Variants in BMERB1 observed in about 807,000 individuals in gnomAD.
The protein encoded by BMERB1 is bMERB domain-containing protein 1.
In BMERB1, 12 loss-of-function variants were observed where a neutral mutation model predicts 23.6. The observed-to-expected ratio is 0.51, with a 90% CI of 0.33 to 0.82. The LOEUF is 0.82. BMERB1 is among the 40% of genes least tolerant of loss of function. The probability of loss-of-function intolerance (pLI) is 0.03; values close to 1 mark genes in which losing one functional copy is unlikely to be tolerated. For missense variants in BMERB1, 247 were observed against 255.4 expected, an observed-to-expected ratio of 0.97 and a Z score of 0.22; for synonymous variants, 122 against 96.6, an observed-to-expected ratio of 1.26 and a Z score of -1.54.
At chr16:15,579,423 C>T (rs1045269406) in intron 3 of BMERB1, among the ~76,000 whole-genome samples, 2 of 152,160 alleles carry the variant, frequency 1.3e-5, no homozygotes, top group Non-Finnish European at 2.9e-5. Flanking sequence ...TGCCCTTCTT[C>T]GTGCAGTGGT....
intron 1 of BMERB1, among the ~76,000 whole-genome samples, chr16:15,499,877 G>A (rs1458070962): frequency 6.6e-6 from 1 of 152,186 alleles, no homozygotes; most frequent in Non-Finnish European, 1.5e-5. Context: ...CAGATAAGGA[G>A]TCGGGGTAGG....
rs970279779 is a variant in BMERB1 at position 15,444,130 on chromosome 16, T to TTTTTTTG, written c.106+9377_106+9378insGTTTTTT. ...GGTCCAGGCACCAGCTTTGTTTTTT[T>TTTTTTTG]TTTTTTTTTTTTTTTTTTTTGGCTG... On this transcript the variant is annotated intron_variant, in intron 1 of 5. Transcript: ENST00000300006. 1.3e-4 allele frequency among the ~76,000 whole-genome samples: 14 copies of TTTTTTTG among 111,196 alleles called. 1 individual carries two copies. Among genetic ancestry groups the TTTTTTTG allele is most frequent in the Non-Finnish European group, 1.9e-4 (10 of 52,122 alleles). The allele number at this position is 111,196 out of a possible 152,430, so 72.9% of individuals were successfully genotyped here. A position where few individuals can be genotyped will look rare whatever the true frequency, so the allele number is the denominator to read the frequency against.
At chr16:15,459,136 A>G (rs2051114190) in intron 1 of BMERB1, among the ~76,000 whole-genome samples, 2 of 152,046 alleles carry the variant, frequency 1.3e-5, no homozygotes. Context: ...CAAAACACAC[A>G]CACAAACAAA....
chr16:15,540,717 G>A (rs2168417), intron 2 of BMERB1, among the ~76,000 whole-genome samples: 25 of 152,252 alleles, frequency 1.6e-4, no homozygotes, highest in African/African-American at 6.0e-4. Flanking sequence ...GGCAGCACAC[G>A]TAGCAGTTAC....
intron 1 of BMERB1, among the ~76,000 whole-genome samples, chr16:15,504,408 G>A (rs536234928): frequency 6.6e-6 from 1 of 151,980 alleles, no homozygotes; most frequent in South Asian, 2.1e-4. Flanking sequence ...ATGAGGAGTA[G>A]AGGGGAATTC....
intron 1 of BMERB1, among the ~76,000 whole-genome samples, chr16:15,447,555 C>T (rs12920429): frequency 0.99 from 150,540 of 152,312 alleles, 74,422 homozygotes; most frequent in Middle Eastern, 1. Flanking sequence ...TGAAATAATA[C>T]ATGAAAGCCC....
At position 15,494,960 on chromosome 16, in the gene BMERB1, T is replaced by A. The variant is rs1226854696; in HGVS notation, c.107-20345T>A. Reference sequence around the variant, plus strand: ...GTGCAGTGGCTCGATCTCAGCTCACTGCAATCTCTGCCTCCCGGGTTTAAG... The same window carrying A: ...GTGCAGTGGCTCGATCTCAGCTCACAGCAATCTCTGCCTCCCGGGTTTAAG... On this transcript the variant is annotated intron_variant, in intron 1 of 5. Coordinates refer to ENST00000300006, the MANE Select transcript of BMERB1 (RefSeq NM_033201.3). Among the ~76,000 whole-genome samples the A allele has an allele frequency of 2.8e-5, 4 of 143,060 alleles. No homozygotes were observed. In the Admixed American group the frequency reaches 2.9e-4, roughly 10 times the overall value. The allele number at this position is 143,060 out of a possible 152,430, so 93.9% of individuals were successfully genotyped here. A position where few individuals can be genotyped will look rare whatever the true frequency, so the allele number is the denominator to read the frequency against.
intron 1 of BMERB1, among the ~76,000 whole-genome samples, chr16:15,474,005 A>G (rs551815844): frequency 6.6e-5 from 10 of 151,950 alleles, no homozygotes; most frequent in African/African-American, 2.4e-4. Context: ...CTATAGTCCC[A>G]GCTCCTCGGG....
intron 1 of BMERB1, among the ~76,000 whole-genome samples, chr16:15,494,877 C>CTTTTTTTT (rs754135430): frequency 1.4e-4 from 13 of 95,174 alleles, no homozygotes; most frequent in East Asian, 3.6e-4. Context: ...TTTTTTTTAT[C>CTTTTTTTT]TTTTTTTTTT....
At chr16:15,504,364 A>G in intron 1 of BMERB1, among the ~76,000 whole-genome samples, 1 of 152,224 alleles carries the variant, frequency 6.6e-6, no homozygotes. Flanking sequence ...ACCAATGTCA[A>G]CTTCTTGGTA....
chr16:15,516,503 GACAA>G (rs1456499275), intron 2 of BMERB1, among the ~76,000 whole-genome samples: 1 of 152,108 alleles, frequency 6.6e-6, no homozygotes, highest in Non-Finnish European at 1.5e-5. Flanking sequence ...GGCTTTTGCC[GACAA>G]ACAGTGAAAG....
intron 1 of BMERB1, among the ~76,000 whole-genome samples, chr16:15,477,142 G>A (rs2051281313): frequency 6.6e-6 from 1 of 152,084 alleles, no homozygotes; most frequent in Admixed American, 6.6e-5. Flanking sequence ...AAAGAAAAGA[G>A]GTTCAGTTGA....
At chr16:15,522,166 G>A (rs2150956204) in intron 2 of BMERB1, among the ~76,000 whole-genome samples, 1 of 152,292 alleles carries the variant, frequency 6.6e-6, no homozygotes, top group East Asian at 1.9e-4. Context: ...TCATAAAAAG[G>A]GATAGCATGC....
intron 1 of BMERB1, among the ~76,000 whole-genome samples, chr16:15,486,583 T>C (rs2051370834): frequency 6.6e-6 from 1 of 152,134 alleles, no homozygotes; most frequent in Non-Finnish European, 1.5e-5. Flanking sequence ...CAATCAAATA[T>C]GGAGAGGGGA....
At chr16:15,481,537 C>T (rs998797122) in intron 1 of BMERB1, among the ~76,000 whole-genome samples, 5 of 151,214 alleles carry the variant, frequency 3.3e-5, no homozygotes, top group Non-Finnish European at 7.4e-5. Context: ...AAAAAAAAAA[C>T]CCACCCAGGT....
chr16:15,490,926 T>A (rs1343743575), intron 1 of BMERB1, among the ~76,000 whole-genome samples: 1 of 152,168 alleles, frequency 6.6e-6, no homozygotes, highest in Non-Finnish European at 1.5e-5. Context: ...CACTGTAACC[T>A]CCACCGCCTT....
At chr16:15,482,202 A>G (rs2051328016) in intron 1 of BMERB1, among the ~76,000 whole-genome samples, 1 of 152,112 alleles carries the variant, frequency 6.6e-6, no homozygotes, top group Non-Finnish European at 1.5e-5. Flanking sequence ...CCTTGAGAGA[A>G]GAGGAAAGGA....
chr16:15,581,093 T>C (rs1274839222), intron 3 of BMERB1, 124 bp from the exon 4 acceptor site: 2 of 637,674 alleles, frequency 3.1e-6, no homozygotes, highest in Non-Finnish European at 5.3e-6. Flanking sequence ...TTTGTATTTT[T>C]GGTAGAGATG....
intron 1 of BMERB1, among the ~76,000 whole-genome samples, chr16:15,501,835 C>T (rs913610919): frequency 2.0e-5 from 3 of 152,172 alleles, no homozygotes; most frequent in African/African-American, 4.8e-5. Context: ...CCAGGCTGGT[C>T]TTGAGCTCCT....
Sources: allele counts gnomAD v4.1 joint callset (sites outside exome capture counted in the v4.1 genomes callset), GRCh38; gene constraint gnomAD v4.1.1; transcripts MANE v1.5; gene names NCBI Gene and HGNC (gene_info 2026-07-23, HGNC 2026-07-21).